Variants in PTPRG observed in about 807,000 individuals in gnomAD.
PTPRG encodes the protein protein tyrosine phosphatase receptor type G, also known as receptor-type tyrosine-protein phosphatase gamma.
Under a neutral mutation model 165.3 loss-of-function variants are expected in PTPRG, and 102 were observed. The observed-to-expected ratio is 0.62, with a 90% CI of 0.53 to 0.73. PTPRG has a LOEUF of 0.73. Ranked by LOEUF, PTPRG falls within the 30% of genes least tolerant of loss-of-function variation. PTPRG has a pLI of 0.00. For synonymous variants in PTPRG, 675 were observed against 669.5 expected (o/e 1.01, Z -0.13); for missense variants, 1,866 against 1,861.4 (o/e 1.00, Z -0.05).
intron 1 of PTPRG, among the ~76,000 whole-genome samples, chr3:61,615,950 A>ATTTG (rs1191161772): frequency 7.2e-5 from 11 of 151,994 alleles, no homozygotes; most frequent in Non-Finnish European, 1.2e-4. Flanking sequence ...TTATTTACTT[A>ATTTG]TTTGTTTGTT....
intron 1 of PTPRG, among the ~76,000 whole-genome samples, chr3:61,652,921 G>GT (rs1363575261): frequency 2.6e-5 from 4 of 152,190 alleles, no homozygotes; most frequent in African/African-American, 9.7e-5. Context: ...TCAGAAGCCT[G>GT]TTTGGCAGCT....
In PTPRG at chr3:61,600,019, G is replaced by A. The variant is rs138230235; in HGVS notation, c.85+37647G>A. On this transcript the variant is annotated intron_variant, in intron 1 of 29. Transcript: ENST00000474889. ...ACCAAAAAATACAAAAATTAGCCAG[G>A]TGTGGTGGTGTACACCTGTAGTCCC... 1.1e-4 allele frequency among the ~76,000 whole-genome samples: 16 copies of A among 151,910 alleles called. No individual in the cohort carries two copies. In the East Asian group the frequency reaches 3.1e-3, roughly 30 times the overall value.
rs1211934929 is a variant in PTPRG, at chr3:62,203,389, A to G, written c.1594A>G (p.Thr532Ala). ...GGGGISSFPS[T>A]VWPTRLPTAA... ...TGGTGGCATCTCCTCTTTCCCCAGC[A>G]CTGTGTGGCCCACGCGCCTCCCGAC... is the stretch of plus-strand genomic sequence containing the variant. The change falls in exon 12 of 30, where the codon ACT (threonine) becomes GCT (alanine). Residue 532 changes from threonine (T) to alanine (A), a missense_variant. Transcript: ENST00000474889. This position sits in a 1 kb window ranked among gnomAD's most constrained non-coding sequence, Gnocchi z 6.4. 2 of 1,613,368 alleles carry G rather than the reference A, an allele frequency of 1.2e-6. No individual in the cohort carries two copies. Among genetic ancestry groups the G allele is most frequent in the Non-Finnish European group, 8.5e-7 (1 of 1,179,920 alleles).
intron 1 of PTPRG, among the ~76,000 whole-genome samples, chr3:61,675,062 C>G (rs1009442427): frequency 6.6e-6 from 1 of 152,200 alleles, no homozygotes; most frequent in Non-Finnish European, 1.5e-5. Flanking sequence ...CCACAGATGT[C>G]TGTCACTCAG....
intron 5 of PTPRG, among the ~76,000 whole-genome samples, chr3:62,101,015 A>G (rs751828684): frequency 2.0e-5 from 3 of 152,232 alleles, no homozygotes; most frequent in Admixed American, 6.5e-5. Context: ...ATGTTAAGAC[A>G]TTTGAAGAAT....
chr3:61,790,123 C>T (rs116222995), intron 2 of PTPRG, among the ~76,000 whole-genome samples: 159 of 152,270 alleles, frequency 1.0e-3, no homozygotes, highest in African/African-American at 3.2e-3. Context: ...GATCACTTAG[C>T]CGTGTCTGTC....
intron 1 of PTPRG, among the ~76,000 whole-genome samples, chr3:61,577,421 G>A (rs544807693): frequency 3.3e-5 from 5 of 152,236 alleles, no homozygotes; most frequent in African/African-American, 1.2e-4. Context: ...AGCCACCTGT[G>A]GCTAGTAAAC....
In PTPRG at chr3:62,111,731, G is replaced by A. The variant is rs1273839802; in HGVS notation, c.616-20871G>A. The stretch of plus-strand genomic sequence containing the variant: ...CCCAAAGTGCTGGGATTATAGGCGT[G>A]AGCCACCACCGGGCCCATTTTCTAA... On this transcript the variant is annotated intron_variant, in intron 5 of 29. Coordinates refer to ENST00000474889, the MANE Select transcript of PTPRG (RefSeq NM_002841.4). Among the ~76,000 whole-genome samples, 4 of 152,138 alleles carry A rather than the reference G, an allele frequency of 2.6e-5. No homozygotes were observed. In the East Asian group the frequency reaches 7.7e-4, roughly 29 times the overall value.
chr3:61,822,734 A>G (rs1477830422), intron 2 of PTPRG, among the ~76,000 whole-genome samples: 1 of 152,184 alleles, frequency 6.6e-6, no homozygotes, highest in Non-Finnish European at 1.5e-5. Context: ...TTAATGGGGT[A>G]TTTTTGGTGC....
chr3:62,282,760 TG>T lies in PTPRG; in HGVS notation c.3947del (p.Cys1316PhefsTer11). The T allele has an allele frequency of 6.2e-7, 1 of 1,612,436 alleles. No individual in the cohort carries two copies. Among genetic ancestry groups the T allele is most frequent in the Non-Finnish European group, 8.5e-7 (1 of 1,179,230 alleles). On this transcript the variant is annotated frameshift_variant, in exon 28 of 30. Transcript: ENST00000474889. LOFTEE classifies it high-confidence loss of function. ...TGTCTTAGAAGTTCGGCACTTTCAG[TG>T]TCCCAAATGGCCTAACCCAGATGCC... Reference protein sequence around the residue: ...DYVLEVRHFQCPKWPNPDAPI... With the variant: ...DYVLEVRHFQXPKWPNPDAPI...
At chr3:61,675,462 G>C (rs1405635000) in intron 1 of PTPRG, among the ~76,000 whole-genome samples, 1 of 51,740 alleles carries the variant, frequency 1.9e-5, no homozygotes, top group Non-Finnish European at 4.0e-5. Flanking sequence ...AGAAAAAGTT[G>C]ATTAAAACAT....
intron 26 of PTPRG, among the ~76,000 whole-genome samples, chr3:62,280,736 C>T (rs1702401687): frequency 6.6e-6 from 1 of 152,010 alleles, no homozygotes; most frequent in Admixed American, 6.6e-5. Flanking sequence ...GTGAAATCAA[C>T]ACCTCGTAAA....
chr3:61,885,763 G>A (rs2107483202), intron 2 of PTPRG, among the ~76,000 whole-genome samples: 1 of 123,406 alleles, frequency 8.1e-6, no homozygotes, highest in East Asian at 2.4e-4. Flanking sequence ...AGCTCTCTAG[G>A]GACTTGAACT....
intron 2 of PTPRG, among the ~76,000 whole-genome samples, chr3:61,866,832 C>T (rs1023610795): frequency 1.1e-4 from 16 of 152,052 alleles, no homozygotes; most frequent in African/African-American, 3.9e-4. Flanking sequence ...CTCTTGAACT[C>T]GTGATCCATC....
intron 1 of PTPRG, among the ~76,000 whole-genome samples, chr3:61,591,976 A>AG (rs1700580614): frequency 6.6e-6 from 1 of 150,956 alleles, no homozygotes; most frequent in African/African-American, 2.5e-5. Context: ...GTGGAGTGCT[A>AG]ATTTTTTTTT....
chr3:61,748,726 GTT>G (rs11328533), intron 1 of PTPRG, 150 bp from the exon 2 acceptor site: 2,361 of 505,518 alleles, frequency 4.7e-3, no homozygotes, highest in East Asian at 8.8e-3. Context: ...CTTTCCTATA[GTT>G]TTTTTTTTTT....
At chr3:62,180,659 G>A (rs1405065271) in intron 8 of PTPRG, among the ~76,000 whole-genome samples, 1 of 152,214 alleles carries the variant, frequency 6.6e-6, no homozygotes, top group African/African-American at 2.4e-5. Flanking sequence ...GCACGCAGCT[G>A]TTATCAAGTG....
At chr3:62,101,333 T>C (rs1018278638) in intron 5 of PTPRG, among the ~76,000 whole-genome samples, 2 of 152,244 alleles carry the variant, frequency 1.3e-5, no homozygotes, top group African/African-American at 2.4e-5. Context: ...AACTTCAGTC[T>C]GTAAAAACCA....
rs759292865 is a variant in PTPRG, at chr3:62,267,436, C to T, written c.2683C>T (p.Pro895Ser). Residue 895 changes from proline to serine, a missense_variant, in exon 18 of 30, where the codon CCT becomes TCT. Physicochemically the swap from Pro to Ser is moderately conservative, Grantham distance 74. Around this residue, in one of 3 missense-constraint regions of PTPRG, gnomAD observed 1,452 missense variants for 1,463.0 expected, o/e 0.99. Transcript: ENST00000474889. ...TGATCACAGTAGGGTGAAGTTAAGACCTTTACCAGGAAAAGACTCTAAGCA... is the reference window on the plus strand; with the variant it reads ...TGATCACAGTAGGGTGAAGTTAAGATCTTTACCAGGAAAAGACTCTAAGCA... The part of the protein sequence containing the change: ...AYDHSRVKLR[P>S]LPGKDSKHSD... The T allele has an allele frequency of 6.2e-7, 1 of 1,610,130 alleles. No homozygotes were observed. The highest frequency in any genetic ancestry group is 8.5e-7 in the Non-Finnish European group (1 of 1,176,948).
Sources: allele counts gnomAD v4.1 joint callset (sites outside exome capture counted in the v4.1 genomes callset), GRCh38; gene constraint gnomAD v4.1.1; regional missense constraint gnomAD v4.1.1; non-coding constraint Gnocchi (gnomAD v3.1); transcripts MANE v1.5; gene names NCBI Gene and HGNC (gene_info 2026-07-23, HGNC 2026-07-21).